IQSEC3: variants seen among roughly 807,000 people sequenced by gnomAD.
IQSEC3 encodes IQ motif and Sec7 domain ArfGEF 3, also known as IQ motif and SEC7 domain-containing protein 3.
Under a neutral mutation model 105.4 loss-of-function variants are expected in IQSEC3, and 50 were observed. That is an observed-to-expected ratio of 0.47 (90% CI 0.38 to 0.60). IQSEC3 has a LOEUF of 0.60. Among genes scored for constraint, IQSEC3 ranks in the 20% least tolerant of loss-of-function variants. The pLI is 0.00. For missense variants in IQSEC3, 1,415 were observed against 1,630.0 expected (o/e 0.87, Z 2.27); for synonymous variants, 708 against 746.0 (o/e 0.95, Z 0.83).
At chr12:166,158 C>G (rs188372603) in intron 11 of IQSEC3, 1 of 449,208 alleles carries the variant, frequency 2.2e-6, no homozygotes, top group Non-Finnish European at 3.9e-6. Context: ...CCTCTTGGAA[C>G]AGAGAGCTCT....
In IQSEC3 at chr12:157,035, G is replaced by A. The variant is rs1555094497; in HGVS notation, c.2164G>A (p.Asp722Asn). ...FNRDVLDCVV[D>N]EMDFSSMELD... Reference sequence around the variant, plus strand: ...CCTGCCTGCCCTCAGCTGCGTGGTGGACGAGATGGACTTCTCCAGCATGGA... The same window carrying A: ...CCTGCCTGCCCTCAGCTGCGTGGTGAACGAGATGGACTTCTCCAGCATGGA... Residue 722 changes from aspartate (D) to asparagine (N), a missense_variant, in exon 6 of 14, where the codon GAC becomes AAC. Asp to Asn is a conservative substitution (Grantham distance 23, BLOSUM62 1). Transcript: ENST00000538872. 1 of 1,603,082 alleles carries A rather than the reference G, an allele frequency of 6.2e-7. No individual in the cohort carries two copies.
rs1262973579 is a variant in IQSEC3 at position 95,085 on chromosome 12, C to T, written c.555-4061C>T. ...TTCCCCTTTTCTTCAGGCCAGGAAG[C>T]CTTGGGTGCCATCAAAAGATGTTTA... On this transcript the variant is annotated intron_variant, in intron 1 of 13. Transcript: ENST00000538872. Among the ~76,000 whole-genome samples the T allele has an allele frequency of 2.0e-5, 3 of 152,140 alleles. No individual in the cohort carries two copies. The South Asian group carries it at 6.2e-4, about 32-fold the overall frequency.
chr12:74,555 T>C (rs1863445164), intron 1 of IQSEC3, among the ~76,000 whole-genome samples: 1 of 152,392 alleles, frequency 6.6e-6, no homozygotes, highest in South Asian at 2.1e-4. Context: ...TCTTCAAGAC[T>C]GGTGTGCGTG....
At chr12:94,877 C>T (rs1864197768) in intron 1 of IQSEC3, among the ~76,000 whole-genome samples, 1 of 152,250 alleles carries the variant, frequency 6.6e-6, no homozygotes, top group Non-Finnish European at 1.5e-5. Context: ...ACAAGCAATG[C>T]TTCTTTGCGT....
intron 7 of IQSEC3, among the ~76,000 whole-genome samples, chr12:160,552 G>A (rs185076763): frequency 1.3e-5 from 2 of 152,292 alleles, no homozygotes; most frequent in East Asian, 1.9e-4. Context: ...ATTCAGCAGA[G>A]TCCCGGCTTG....
At chr12:153,414 C>G (rs532253000) in intron 5 of IQSEC3, among the ~76,000 whole-genome samples, 1 of 152,138 alleles carries the variant, frequency 6.6e-6, no homozygotes, top group Non-Finnish European at 1.5e-5. Flanking sequence ...AGAGATGGCC[C>G]GTGCCTCCGG....
At chr12:158,358 C>A (rs1866770494) in intron 7 of IQSEC3, among the ~76,000 whole-genome samples, 1 of 152,238 alleles carries the variant, frequency 6.6e-6, no homozygotes, top group Non-Finnish European at 1.5e-5. Context: ...TATCGATAAA[C>A]CGCAGGCTTC....
intron 8 of IQSEC3, among the ~76,000 whole-genome samples, chr12:163,047 C>G (rs1313505578): frequency 2.0e-5 from 3 of 152,062 alleles, no homozygotes; most frequent in Non-Finnish European, 4.4e-5. Flanking sequence ...GGGATGAGCC[C>G]TGGGACAGGG....
chr12:99,168 T>C lies in IQSEC3; in HGVS notation c.577T>C (p.Phe193Leu). 6.3e-7 allele frequency: 1 copy of C among 1,598,936 alleles called. No homozygotes were observed. The highest frequency in any genetic ancestry group is 8.5e-7 in the Non-Finnish European group (1 of 1,179,742). Residue 193 changes from phenylalanine to leucine, a missense_variant, in exon 2 of 14, where the codon TTC (phenylalanine) becomes CTC (leucine). Transcript: ENST00000538872. ...RPENETVLHQ[F>L]CCPAADACSD... is the part of the protein sequence containing the mutation. Reference sequence around the variant, plus strand: ...CAGGAATGAGACCGTGCTGCACCAGTTCTGCTGCCCAGCCGCCGACGCCTG... The same window carrying C: ...CAGGAATGAGACCGTGCTGCACCAGCTCTGCTGCCCAGCCGCCGACGCCTG...
intron 1 of IQSEC3, among the ~76,000 whole-genome samples, chr12:85,765 T>G (rs1440290303): frequency 2.0e-5 from 3 of 152,200 alleles, no homozygotes; most frequent in Admixed American, 6.5e-5. Flanking sequence ...TCTTAGACTC[T>G]CTGAGCCTCC....
At position 86,080 on chromosome 12, in the gene IQSEC3, G is replaced by T. The variant is rs371992437; in HGVS notation, c.555-13066G>T. Among the ~76,000 whole-genome samples, 69 of 152,222 alleles carry T rather than the reference G, an allele frequency of 4.5e-4. 1 individual carries two copies. The highest frequency in any genetic ancestry group is 1.6e-3 in the African/African-American group (67 of 41,458). ...TGGAAAACTCATTCTAGTATAGGGA[G>T]ATATGACATGTATATAAACATCAGT... On this transcript the variant is annotated intron_variant, in intron 1 of 13. Transcript: ENST00000538872.
chr12:113,512 G>A (rs1864959040), intron 2 of IQSEC3, among the ~76,000 whole-genome samples: 1 of 152,192 alleles, frequency 6.6e-6, no homozygotes, highest in African/African-American at 2.4e-5. Flanking sequence ...CACTCCCCAG[G>A]TGCCACTGCC....
rs12299940 is a variant in IQSEC3, at chr12:130,696, A to G, written c.903+4784A>G. Among the ~76,000 whole-genome samples the G allele has an allele frequency of 3.7e-3, 567 of 152,268 alleles. 3 individuals carry two copies. The highest frequency in any genetic ancestry group is 0.014 in the Middle Eastern group (4 of 294). The stretch of plus-strand genomic sequence containing the variant: ...GGCAGGCCTCAACGCCCTGCGTGTC[A>G]AGCACTTGCTGTATTCCAGACAGCA... On this transcript the variant is annotated intron_variant, in intron 3 of 13. Coordinates refer to ENST00000538872, the MANE Select transcript of IQSEC3 (RefSeq NM_001170738.2).
In IQSEC3 at chr12:112,350, A is replaced by G. The variant is rs542080842; in HGVS notation, c.623+13136A>G. On this transcript the variant is annotated intron_variant, in intron 2 of 13. Coordinates refer to ENST00000538872, the MANE Select transcript of IQSEC3 (RefSeq NM_001170738.2). ...GGAGGCCGAGAAGCAGGCATCAGCT[A>G]TCCAAGCAGGGGCCTAGTGTATCCT... Among the ~76,000 whole-genome samples, 344 of 152,256 alleles carry G rather than the reference A, an allele frequency of 2.3e-3. 1 individual carries two copies. The highest frequency in any genetic ancestry group is 7.9e-3 in the African/African-American group (329 of 41,538).
At chr12:123,133 G>A (rs1258755247) in intron 2 of IQSEC3, among the ~76,000 whole-genome samples, 1 of 152,202 alleles carries the variant, frequency 6.6e-6, no homozygotes, top group Non-Finnish European at 1.5e-5. Context: ...GGCTGGGCAC[G>A]CTGGCTCATG....
chr12:91,505 T>C (rs944430110), intron 1 of IQSEC3, among the ~76,000 whole-genome samples: 39 of 152,150 alleles, frequency 2.6e-4, no homozygotes. Flanking sequence ...CCCAGCGCGG[T>C]TGTTCATGCC....
intron 2 of IQSEC3, among the ~76,000 whole-genome samples, chr12:111,401 C>A (rs1864881293): frequency 6.6e-6 from 1 of 152,128 alleles, no homozygotes; most frequent in Non-Finnish European, 1.5e-5. Context: ...CAGCATTCTC[C>A]CCAGCGGACT....
chr12:138,907 C>G lies in IQSEC3; in HGVS notation c.1544C>G (p.Thr515Arg). 1 of 1,606,626 alleles carries G rather than the reference C, an allele frequency of 6.2e-7. No individual in the cohort carries two copies. The highest frequency in any genetic ancestry group is 8.5e-7 in the Non-Finnish European group (1 of 1,177,224). ...GTGGCCAACTGCCTGGGCGCTCAGA[C>G]GGTCCAGGCCCCCGCAGAGCCCGCG... ...LSVANCLGAQ[T>R]VQAPAEPAAG... is the part of the protein sequence containing the mutation. Residue 515 changes from threonine to arginine, a missense_variant, in exon 4 of 14, where the codon ACG becomes AGG. Physicochemically the swap from Thr to Arg is moderately conservative, Grantham distance 71. This residue lies in a region of IQSEC3 where 720 missense variants were observed against 633.0 expected (regional missense o/e 1.14). Transcript: ENST00000538872. The surrounding 1 kb of genome is among the most constrained non-coding windows in gnomAD (Gnocchi z 7.1).
intron 5 of IQSEC3, among the ~76,000 whole-genome samples, chr12:155,545 G>A (rs535086268): frequency 5.3e-5 from 8 of 152,282 alleles, no homozygotes; most frequent in East Asian, 1.9e-4. Flanking sequence ...TGTGGGAGGC[G>A]GAGTCCATGG....
Sources: gnomAD v4.1 joint callset for allele counts (sites outside exome capture counted in the v4.1 genomes callset) on GRCh38, gnomAD v4.1.1 for gene constraint, gnomAD v4.1.1 regional missense constraint, Gnocchi (gnomAD v3.1) non-coding constraint, MANE v1.5 for transcripts, NCBI Gene and HGNC (gene_info 2026-07-23, HGNC 2026-07-21) for gene names.